MYO18B: variants seen among roughly 807,000 people sequenced by gnomAD.
MYO18B encodes the protein myosin XVIIIB.
In MYO18B, 204 loss-of-function variants were observed where a neutral mutation model predicts 273.0. The observed-to-expected ratio is 0.75, with a 90% CI of 0.67 to 0.84. The LOEUF (loss-of-function observed/expected upper bound fraction) is 0.84. Among genes scored for constraint, MYO18B ranks in the 40% least tolerant of loss-of-function variants. The pLI, the probability that MYO18B is intolerant of heterozygous loss-of-function variation, is 0.00. For missense variants in MYO18B, 3,212 were observed against 3,287.6 expected, an observed-to-expected ratio of 0.98 and a Z score of 0.56; for synonymous variants, 1,330 against 1,305.7, an observed-to-expected ratio of 1.02 and a Z score of -0.40.
At chr22:25,982,202 G>A (rs1321372633) in intron 39 of MYO18B, among the ~76,000 whole-genome samples, 1 of 152,236 alleles carries the variant, frequency 6.6e-6, no homozygotes, top group African/African-American at 2.4e-5. Flanking sequence ...AATTTACCAT[G>A]AGATTTGGGC....
the MYO18B span, among the ~76,000 whole-genome samples, chr22:26,045,419 C>T: frequency 6.6e-6 from 1 of 152,120 alleles, no homozygotes; most frequent in African/African-American, 2.4e-5. Flanking sequence ...GGCTTTAGAC[C>T]TCAATGTCCA....
chr22:25,784,862 T>C (rs2087312937), intron 10 of MYO18B, among the ~76,000 whole-genome samples: 1 of 152,144 alleles, frequency 6.6e-6, no homozygotes, highest in Non-Finnish European at 1.5e-5. Context: ...CTTCATAAAG[T>C]GCAGACTGAG....
chr22:25,799,199 A>G (rs1034740220), intron 12 of MYO18B, among the ~76,000 whole-genome samples: 1 of 149,568 alleles, frequency 6.7e-6, no homozygotes, highest in African/African-American at 2.5e-5. Flanking sequence ...TGATACCTGC[A>G]TTCCTCCTCC....
chr22:25,885,946 G>A (rs559348046), intron 25 of MYO18B, among the ~76,000 whole-genome samples: 1 of 152,322 alleles, frequency 6.6e-6, no homozygotes, highest in Non-Finnish European at 1.5e-5. Flanking sequence ...GACATCCAGA[G>A]CCTATAGAGC....
At chr22:25,760,633 C>A (rs12158009) in intron 1 of MYO18B, among the ~76,000 whole-genome samples, 3 of 152,092 alleles carry the variant, frequency 2.0e-5, no homozygotes, top group Admixed American at 2.0e-4. Context: ...TTTGCCTGTT[C>A]TTGAACTTCT....
intron 12 of MYO18B, among the ~76,000 whole-genome samples, chr22:25,820,603 C>T (rs2145877370): frequency 6.6e-6 from 1 of 152,284 alleles, no homozygotes; most frequent in African/African-American, 2.4e-5. Flanking sequence ...AGTGGTGTTT[C>T]TAAACATGTA....
intron 42 of MYO18B, among the ~76,000 whole-genome samples, chr22:26,008,919 A>ATTT (rs1459920918): frequency 6.6e-6 from 1 of 152,112 alleles, no homozygotes; most frequent in Non-Finnish European, 1.5e-5. Flanking sequence ...TCTAAGCCTC[A>ATTT]TTTCTTTCTA....
At chr22:25,803,967 A>AACACACACACACACACAC (rs151023852) in intron 12 of MYO18B, among the ~76,000 whole-genome samples, 22 of 136,960 alleles carry the variant, frequency 1.6e-4, no homozygotes, top group African/African-American at 5.5e-4. Flanking sequence ...TGACCCAGTG[A>AACACACACACACACACAC]ACACACACAC....
intron 42 of MYO18B, among the ~76,000 whole-genome samples, chr22:26,009,434 CT>C (rs1307370868): frequency 6.6e-6 from 1 of 152,148 alleles, no homozygotes; most frequent in Admixed American, 6.5e-5. Context: ...CCTTGCTGTC[CT>C]ATTGAGTTAC....
At chr22:25,846,381 C>A in intron 19 of MYO18B, 98 bp downstream of exon 19, 1 of 1,333,558 alleles carries the variant, frequency 7.5e-7, no homozygotes, top group Non-Finnish European at 1.0e-6. Context: ...TCTAACCTCC[C>A]CAGCAAGGCC....
At chr22:25,957,964 G>C (rs2092873767) in intron 39 of MYO18B, among the ~76,000 whole-genome samples, 1 of 148,866 alleles carries the variant, frequency 6.7e-6, no homozygotes, top group Admixed American at 6.7e-5. Flanking sequence ...TCCCAGGCTG[G>C]AGTGCAGTGG....
chr22:25,744,752 A>T (rs1029789454), intron 1 of MYO18B, among the ~76,000 whole-genome samples: 2 of 152,186 alleles, frequency 1.3e-5, no homozygotes, highest in African/African-American at 2.4e-5. Flanking sequence ...AATAAAAATA[A>T]AAATAAACAA....
downstream of MYO18B, among the ~76,000 whole-genome samples, chr22:26,032,750 C>T (rs914594676): frequency 2.0e-5 from 3 of 151,804 alleles, no homozygotes; most frequent in Admixed American, 6.6e-5. Flanking sequence ...CTTGAACTCC[C>T]GACCTCAGGT....
intron 26 of MYO18B, among the ~76,000 whole-genome samples, 156 bp downstream of exon 26, chr22:25,891,031 C>G (rs1015494654): frequency 2.6e-5 from 4 of 152,194 alleles, no homozygotes; most frequent in African/African-American, 7.2e-5. Flanking sequence ...CTTAGGTCTC[C>G]TAAGGCTTGG....
chr22:25,783,510 A>T (rs1469611428), intron 10 of MYO18B, among the ~76,000 whole-genome samples: 1 of 148,110 alleles, frequency 6.8e-6, no homozygotes, highest in Non-Finnish European at 1.5e-5. Context: ...AGACACACAC[A>T]TCACCCTTGT....
chr22:25,790,540 G>T (rs904182425), intron 11 of MYO18B, among the ~76,000 whole-genome samples: 1 of 152,128 alleles, frequency 6.6e-6, no homozygotes. Flanking sequence ...CCATGAGGGT[G>T]GGAGTCTTAC....
chr22:26,022,058 A>G (rs942672468), intron 42 of MYO18B, among the ~76,000 whole-genome samples: 1 of 152,106 alleles, frequency 6.6e-6, no homozygotes, highest in African/African-American at 2.4e-5. Context: ...AGAAGTCTCC[A>G]AGGCTTTTCT....
At chr22:25,876,058 G>A (rs1404909284) in intron 23 of MYO18B, 131 bp from the exon 24 acceptor site, 2 of 605,160 alleles carry the variant, frequency 3.3e-6, no homozygotes, top group East Asian at 7.1e-5. Flanking sequence ...GTGTTTTAAG[G>A]TATCCAGTCC....
chr22:25,976,789 G>A (rs1368082506), intron 39 of MYO18B, among the ~76,000 whole-genome samples: 1 of 152,066 alleles, frequency 6.6e-6, no homozygotes, highest in Non-Finnish European at 1.5e-5. Flanking sequence ...TATTGATGAG[G>A]CTTGATTTGC....
Sources: gnomAD v4.1 joint callset for allele counts (sites outside exome capture counted in the v4.1 genomes callset) on GRCh38, gnomAD v4.1.1 for gene constraint, MANE v1.5 for transcripts, NCBI Gene and HGNC (gene_info 2026-07-23, HGNC 2026-07-21) for gene names.